DNAH17: variants seen among roughly 807,000 people sequenced by gnomAD.
DNAH17 encodes axonemal beta dynein heavy chain 17.
DNAH17 carries 376 observed loss-of-function variants against 485.6 expected under a neutral mutation model. The observed-to-expected ratio is 0.77, with a 90% confidence interval of 0.71 to 0.84. DNAH17 has a LOEUF of 0.84. Ranked by LOEUF, DNAH17 falls within the 40% of genes least tolerant of loss-of-function variation. The probability of loss-of-function intolerance (pLI) is 0.00; values close to 1 mark genes in which losing one functional copy is unlikely to be tolerated. For missense variants in DNAH17, 6,370 were observed against 5,839.3 expected, an observed-to-expected ratio of 1.09 and a Z score of -2.96; for synonymous variants, 3,031 against 2,405.9, an observed-to-expected ratio of 1.26 and a Z score of -7.60.
chr17:78,569,684 G>C (rs1192725446), intron 7 of DNAH17, among the ~76,000 whole-genome samples, 157 bp from the exon 8 acceptor site: 1 of 152,226 alleles, frequency 6.6e-6, no homozygotes, highest in Non-Finnish European at 1.5e-5. Context: ...TTAGGGGACC[G>C]AGCTGCTTCC....
rs948112785 is a variant in DNAH17 at position 78,509,866 on chromosome 17, G to T, written c.4236+518C>A. ...GTACGGGGCGGGCAGAGCTATAGCC[G>T]CAAATTGGGTTTTCTAAGAAAAATT... On this transcript the variant is annotated intron_variant, in intron 27 of 80. Coordinates refer to ENST00000389840, the MANE Select transcript of DNAH17 (RefSeq NM_173628.4). Among the ~76,000 whole-genome samples, 2 of 152,194 alleles carry T rather than the reference G, an allele frequency of 1.3e-5. 1 individual carries two copies. The highest frequency in any genetic ancestry group is 3.8e-4 in the East Asian group (2 of 5,200).
At chr17:78,487,035 G>C (rs551210591) in intron 44 of DNAH17, among the ~76,000 whole-genome samples, 21 of 137,984 alleles carry the variant, frequency 1.5e-4, no homozygotes, top group African/African-American at 3.5e-4. Context: ...AGTTGAATTT[G>C]CCATGTTCAG....
intron 54 of DNAH17, chr17:78,472,668 G>T (rs1373285073): frequency 2.2e-6 from 1 of 450,246 alleles, no homozygotes; most frequent in East Asian, 7.4e-5. Flanking sequence ...GCACCTGAAG[G>T]TTTCGGATCC....
chr17:78,472,272 A>AGGGGGGCGAGGGTTAGGGTTAGGGAGTG (rs2088790461), intron 54 of DNAH17, among the ~76,000 whole-genome samples: 1 of 105,448 alleles, frequency 9.5e-6, no homozygotes, highest in Admixed American at 1.0e-4. Context: ...GTTAGGGAGT[A>AGGGGGGCGAGGGTTAGGGTTAGGGAGTG]GGGGTGCGAG....
chr17:78,500,707 C>G lies in DNAH17; in HGVS notation c.5484-246G>C, dbSNP rs1362252423. 1.7e-5 allele frequency: 5 copies of G among 299,348 alleles called. No individual in the cohort carries two copies. The South Asian group carries it at 1.9e-4, about 11-fold the overall frequency. 18.5% of individuals were successfully genotyped at this position (299,348 alleles called of 1,614,324 possible). ...TATTTTCAGTAGAGATGAGGTTTTG[C>G]TATGTTGGCCAGGCTGGTCTCGAAC... On this transcript the variant is annotated intron_variant, in intron 35 of 80. Transcript: ENST00000389840.
At chr17:78,473,821 A>G (rs2146588549) in intron 54 of DNAH17, among the ~76,000 whole-genome samples, 1 of 152,270 alleles carries the variant, frequency 6.6e-6, no homozygotes, top group South Asian at 2.1e-4. Context: ...TTCAATGGAG[A>G]AAGCTCAGTA....
Position 78,529,487 on chromosome 17 carries a change from G to C in DNAH17, c.3492C>G (p.Ile1164Met). The C allele has an allele frequency of 6.2e-7, 1 of 1,613,892 alleles. No individual in the cohort carries two copies. Among genetic ancestry groups the C allele is most frequent in the Non-Finnish European group, 8.5e-7 (1 of 1,179,876 alleles). The change falls in exon 22 of 81, where the codon ATC becomes ATG. Residue 1164 changes from isoleucine to methionine, a missense_variant. Ile to Met is a conservative substitution (Grantham distance 10). Coordinates refer to ENST00000389840, the MANE Select transcript of DNAH17 (RefSeq NM_173628.4). ...CACCACGTACCTGCAGCTTCAAGTG[G>C]ATCTCCTCTGGCATCTCCTCCCCGT... ...KTYGEEMPEE[I>M]HLKLQELPEH...
rs776799963 is a variant in DNAH17 at position 78,484,924 on chromosome 17, C to T, written c.7593G>A (p.Lys2531=). Residue 2531 remains lysine (K), a synonymous_variant, in exon 48 of 81, where the codon AAG becomes AAA. Coordinates refer to ENST00000389840, the MANE Select transcript of DNAH17 (RefSeq NM_173628.4). ...GGGTGTGCGGGGCCACCGTCCCATA[C>T]TTGTCCACCTCGGGCATGTTCATGT... ...IDDMNMPEVD[K]YGTVAPHTLI... The T allele has an allele frequency of 6.2e-7, 1 of 1,605,790 alleles. No individual in the cohort carries two copies. Among genetic ancestry groups the T allele is most frequent in the Admixed American group, 1.7e-5 (1 of 58,780 alleles).
intron 41 of DNAH17, 111 bp from the exon 42 acceptor site, chr17:78,492,876 A>C (rs1413510801): frequency 4.2e-6 from 3 of 713,008 alleles, no homozygotes; most frequent in Non-Finnish European, 5.5e-6. Flanking sequence ...TTTGAGATGG[A>C]GTTTCACTCT....
At chr17:78,490,438 T>A (rs1219735421) in intron 44 of DNAH17, among the ~76,000 whole-genome samples, 1 of 152,136 alleles carries the variant, frequency 6.6e-6, no homozygotes, top group East Asian at 1.9e-4. Flanking sequence ...GGCCAAGACC[T>A]CCCTTCCCAC....
intron 58 of DNAH17, 73 bp from the exon 59 acceptor site, chr17:78,460,330 G>GTGTGCATGTA: frequency 6.2e-6 from 5 of 808,268 alleles, no homozygotes; most frequent in Non-Finnish European, 9.6e-6. Flanking sequence ...ACGTGCATGT[G>GTGTGCATGTA]TGTGCATGTG....
At chr17:78,437,509 T>TG in intron 74 of DNAH17, 132 bp downstream of exon 74, 2 of 607,070 alleles carry the variant, frequency 3.3e-6, no homozygotes, top group Non-Finnish European at 5.7e-6. Flanking sequence ...GAGGGGTGTG[T>TG]GGACAGGGGA....
chr17:78,479,058 G>T lies in DNAH17; in HGVS notation c.7959C>A (p.Val2653=). 6.2e-7 allele frequency: 1 copy of T among 1,613,994 alleles called. No individual in the cohort carries two copies. The highest frequency in any genetic ancestry group is 8.5e-7 in the Non-Finnish European group (1 of 1,179,896). The part of the protein sequence containing the change: ...FLPTAIKFHY[V]FNLRDLSNIF... The stretch of plus-strand genomic sequence containing the variant: ...TATTGGAGAGGTCCCTGAGGTTGAA[G>T]ACATAATGAAACTTAATGGCCGTGG... Residue 2653 remains valine (V), a synonymous_variant, in exon 51 of 81, where the codon GTC becomes GTA. Coordinates refer to ENST00000389840, the MANE Select transcript of DNAH17 (RefSeq NM_173628.4).
Position 78,544,800 on chromosome 17 carries a change from C to CAAAAAAA in DNAH17, c.2392-810_2392-804dup, listed in dbSNP as rs55669221. On this transcript the variant is annotated intron_variant, in intron 16 of 80. Transcript: ENST00000389840. ...TGGGGCACAGAGCGAGACTCAGTCT[C>CAAAAAAA]AAAAAAAAAAAAAAAAAAAAAAAAG... is the stretch of plus-strand genomic sequence containing the variant. Among the ~76,000 whole-genome samples, 246 of 46,774 alleles carry CAAAAAAA rather than the reference C, an allele frequency of 5.3e-3. 11 individuals carry two copies. Among genetic ancestry groups the CAAAAAAA allele is most frequent in the East Asian group, 0.018 (29 of 1,618 alleles). The allele number at this position is 46,774 out of a possible 152,430, so 30.7% of individuals were successfully genotyped here.
At chr17:78,440,852 G>A (rs142217588) in intron 72 of DNAH17, among the ~76,000 whole-genome samples, 199 bp downstream of exon 72, 1 of 152,318 alleles carries the variant, frequency 6.6e-6, no homozygotes, top group African/African-American at 2.4e-5. Flanking sequence ...CATCCGCTCA[G>A]CAACCTACAA....
chr17:78,466,883 T>C, intron 55 of DNAH17, 67 bp from the exon 56 acceptor site: 1 of 1,418,348 alleles, frequency 7.1e-7, no homozygotes, highest in Non-Finnish European at 9.3e-7. Flanking sequence ...TCCATCACTC[T>C]GCAGAAAGCT....
chr17:78,572,961 A>T, intron 2 of DNAH17, 67 bp from the exon 3 acceptor site: 2 of 1,459,976 alleles, frequency 1.4e-6, no homozygotes, highest in Non-Finnish European at 1.9e-6. Context: ...GCACAGAGCC[A>T]GGTCCCCGGG....
intron 20 of DNAH17, 78 bp from the exon 21 acceptor site, chr17:78,530,590 G>A (rs1248676568): frequency 2.1e-5 from 31 of 1,506,484 alleles, no homozygotes; most frequent in Admixed American, 3.8e-5. Context: ...TCAGTCCAGG[G>A]CCTTCCTGCA....
intron 64 of DNAH17, 22 bp downstream of exon 64, chr17:78,454,448 C>A (rs1259297893): frequency 1.9e-6 from 3 of 1,592,464 alleles, no homozygotes; most frequent in South Asian, 2.3e-5. Flanking sequence ...GGCTTCGGCC[C>A]AGGTCCTGCG....
Sources: gnomAD v4.1 joint callset for allele counts (sites outside exome capture counted in the v4.1 genomes callset) on GRCh38, gnomAD v4.1.1 for gene constraint, MANE v1.5 for transcripts, NCBI Gene and HGNC (gene_info 2026-07-23, HGNC 2026-07-21) for gene names.